LARGE1: variants seen among roughly 807,000 people sequenced by gnomAD.
The protein encoded by LARGE1 is LARGE xylosyl- and glucuronyltransferase 1.
In LARGE1, 43 loss-of-function variants were observed where a neutral mutation model predicts 87.6. The ratio of observed to expected loss-of-function variants is 0.49; its 90% CI spans 0.38 to 0.63. LARGE1 has a LOEUF of 0.63. LARGE1 is among the 30% of genes least tolerant of loss of function. The pLI, the probability that LARGE1 is intolerant of heterozygous loss-of-function variation, is 0.00. For missense variants in LARGE1, 802 were observed against 1,000.2 expected (o/e 0.80, Z 2.67); for synonymous variants, 434 against 394.6 (o/e 1.10, Z -1.18).
intron 7 of LARGE1, among the ~76,000 whole-genome samples, chr22:33,425,126 G>A (rs1221514805): frequency 1.3e-5 from 2 of 152,088 alleles, no homozygotes; most frequent in Non-Finnish European, 2.9e-5. Flanking sequence ...GCCAGGTGTG[G>A]TGGCGTGTGC....
chr22:33,093,276 GT>G, the LARGE1 span, among the ~76,000 whole-genome samples: 3 of 152,220 alleles, frequency 2.0e-5, no homozygotes, highest in Admixed American at 1.3e-4. Context: ...ACTGTAAGGG[GT>G]GAAAAAGAAA....
At chr22:33,299,570 G>A (rs1933866200) in intron 12 of LARGE1, among the ~76,000 whole-genome samples, 1 of 152,224 alleles carries the variant, frequency 6.6e-6, no homozygotes, top group African/African-American at 2.4e-5. Context: ...TGCAATGGCG[G>A]GGGTTGGGTT....
chr22:33,175,297 G>A (rs568109940), intron 11 of LARGE1, among the ~76,000 whole-genome samples: 12 of 151,928 alleles, frequency 7.9e-5, no homozygotes, highest in African/African-American at 2.7e-4. Context: ...CAGGATGGAA[G>A]GGAAGGGAAG....
intron 1 of LARGE1, among the ~76,000 whole-genome samples, chr22:33,895,885 T>TA (rs1393461298): frequency 2.6e-5 from 4 of 152,302 alleles, no homozygotes; most frequent in African/African-American, 7.2e-5. Context: ...AGGGCCAACT[T>TA]AGAGTCTGCC....
At chr22:33,809,461 A>G (rs1293499381) in intron 1 of LARGE1, among the ~76,000 whole-genome samples, 2 of 152,220 alleles carry the variant, frequency 1.3e-5, no homozygotes, top group Non-Finnish European at 2.9e-5. Context: ...ACCTGTGCAT[A>G]GCACATAGGA....
At chr22:33,901,126 A>G (rs1260352100) in intron 1 of LARGE1, among the ~76,000 whole-genome samples, 1 of 152,070 alleles carries the variant, frequency 6.6e-6, no homozygotes, top group Non-Finnish European at 1.5e-5. Context: ...ACAAGAAGAA[A>G]ATAGCTATGT....
At chr22:33,915,163 C>T (rs2065751386) in intron 1 of LARGE1, among the ~76,000 whole-genome samples, 1 of 152,080 alleles carries the variant, frequency 6.6e-6, no homozygotes, top group Non-Finnish European at 1.5e-5. Flanking sequence ...CTGTGATTTT[C>T]CACATTCTCT....
chr22:33,858,433 GCTGGCTCGAATGC>G (rs2063819947), intron 1 of LARGE1, among the ~76,000 whole-genome samples: 1 of 152,264 alleles, frequency 6.6e-6, no homozygotes, highest in Non-Finnish European at 1.5e-5. Context: ...GGTAGCCATT[GCTGGCTCGAATGC>G]CTGGGTTTAT....
intron 6 of LARGE1, among the ~76,000 whole-genome samples, chr22:33,453,635 T>C (rs1297293226): frequency 6.6e-6 from 1 of 152,176 alleles, no homozygotes; most frequent in Non-Finnish European, 1.5e-5. Context: ...TACATCTGAC[T>C]GGCAGTCTGA....
chr22:33,650,661 C>T lies in LARGE1; in HGVS notation c.114G>A (p.Lys38=), dbSNP rs130760. The T allele has an allele frequency of 6.2e-7, 1 of 1,600,436 alleles. No homozygotes were observed. Among genetic ancestry groups the T allele is most frequent in the Non-Finnish European group, 8.5e-7 (1 of 1,179,938 alleles). The change falls in exon 3 of 15, where the codon AAG becomes AAA. Residue 38 remains lysine, a synonymous_variant. Transcript: ENST00000397394. ...ACTCCAGCGGTGACAGAGACACGGG[C>T]TTTCCATCTGGGGAGCGAAACACCA... ...YLFSGSFEDG[K]PVSLSPLESQ... is the part of the protein sequence containing the mutation.
At chr22:33,308,643 G>A (rs1045522834) in intron 11 of LARGE1, among the ~76,000 whole-genome samples, 4 of 152,020 alleles carry the variant, frequency 2.6e-5, no homozygotes, top group Non-Finnish European at 5.9e-5. Context: ...TGTACCTGCC[G>A]CCATGTGAAC....
At chr22:33,371,273 A>G (rs2064799676) in intron 9 of LARGE1, among the ~76,000 whole-genome samples, 1 of 152,198 alleles carries the variant, frequency 6.6e-6, no homozygotes, top group Non-Finnish European at 1.5e-5. Context: ...TGTGACTTAA[A>G]TAAAACTTTG....
At chr22:33,303,419 C>T (rs1021065370) in intron 12 of LARGE1, among the ~76,000 whole-genome samples, 10 of 152,160 alleles carry the variant, frequency 6.6e-5, no homozygotes, top group Admixed American at 5.9e-4. Flanking sequence ...GATAATACTA[C>T]CCACGGCAGG....
chr22:33,589,929 G>C (rs545243789), intron 5 of LARGE1, among the ~76,000 whole-genome samples: 4 of 150,522 alleles, frequency 2.7e-5, no homozygotes, highest in African/African-American at 9.8e-5. Context: ...CTGTGGTCAA[G>C]AGTAGGGCCT....
chr22:33,574,708 G>A (rs1326990725), intron 5 of LARGE1, among the ~76,000 whole-genome samples: 1 of 120,156 alleles, frequency 8.3e-6, no homozygotes, highest in Non-Finnish European at 1.7e-5. Context: ...GTGTGTGTGT[G>A]TGTGTGTGTG....
the LARGE1 span, among the ~76,000 whole-genome samples, chr22:33,077,322 T>G: frequency 6.6e-6 from 1 of 151,944 alleles, no homozygotes; most frequent in South Asian, 2.1e-4. Context: ...AGGAACCTCA[T>G]AGAGTGCCTA....
intron 1 of LARGE1, among the ~76,000 whole-genome samples, chr22:33,796,767 C>CTTT (rs35532520): frequency 5.7e-5 from 6 of 106,046 alleles, no homozygotes; most frequent in South Asian, 3.3e-4. Context: ...AAGACTTGGG[C>CTTT]TTTTTTTTTT....
intron 7 of LARGE1, among the ~76,000 whole-genome samples, chr22:33,399,862 T>C (rs988353766): frequency 1.3e-5 from 2 of 152,248 alleles, no homozygotes; most frequent in African/African-American, 4.8e-5. Flanking sequence ...TCTGCTTTTT[T>C]AAGCCACTGT....
intron 6 of LARGE1, among the ~76,000 whole-genome samples, chr22:33,541,672 T>C (rs563700873): frequency 6.6e-6 from 1 of 151,854 alleles, no homozygotes; most frequent in East Asian, 1.9e-4. Context: ...GGTCTTTTTG[T>C]GCTGACTGCC....
Sources: gnomAD v4.1 joint callset for allele counts (sites outside exome capture counted in the v4.1 genomes callset) on GRCh38, gnomAD v4.1.1 for gene constraint, MANE v1.5 for transcripts, NCBI Gene and HGNC (gene_info 2026-07-23, HGNC 2026-07-21) for gene names.